The following MBOAT1 variants were observed in gnomAD, a reference collection of about 807,000 sequenced individuals.
The protein encoded by MBOAT1 is membrane-bound glycerophospholipid O-acyltransferase 1.
In MBOAT1, 67 loss-of-function variants were observed where a neutral mutation model predicts 64.4. The observed-to-expected ratio is 1.04, with a 90% CI of 0.85 to 1.27. MBOAT1 has a LOEUF of 1.27. MBOAT1 is among the 50% of genes most tolerant of loss of function. MBOAT1 has a pLI of 0.00. For missense variants in MBOAT1, 563 were observed against 604.6 expected, an observed-to-expected ratio of 0.93 and a Z score of 0.72; for synonymous variants, 229 against 218.9, an observed-to-expected ratio of 1.05 and a Z score of -0.41.
At position 20,101,758 on chromosome 6, in the gene MBOAT1, T is replaced by A. The variant is rs1759793467; in HGVS notation, c.*528A>T. Among the ~76,000 whole-genome samples the A allele has an allele frequency of 1.3e-5, 2 of 152,110 alleles. No homozygotes were observed. Among genetic ancestry groups the A allele is most frequent in the Admixed American group, 6.5e-5 (1 of 15,272 alleles). ...TACACATCGCCACACCACTCAAATG[T>A]CCTATAAAATATCAAAACCAATAAC... On this transcript the variant is annotated 3_prime_UTR_variant, in exon 13 of 13. Transcript: ENST00000324607.
chr6:20,126,318 T>A (rs1760647200), intron 7 of MBOAT1, among the ~76,000 whole-genome samples, 199 bp downstream of exon 7: 1 of 152,212 alleles, frequency 6.6e-6, no homozygotes, highest in Non-Finnish European at 1.5e-5. Flanking sequence ...TCCTAGCCAA[T>A]GAGCTTCTCA....
intron 1 of MBOAT1, among the ~76,000 whole-genome samples, chr6:20,155,447 T>C (rs149128458): frequency 4.4e-4 from 67 of 152,358 alleles, no homozygotes; most frequent in Middle Eastern, 3.4e-3. Flanking sequence ...ACACTGTCTC[T>C]ACCCTCAAAT....
At chr6:20,120,248 T>C (rs765844249) in intron 8 of MBOAT1, among the ~76,000 whole-genome samples, 7 of 152,036 alleles carry the variant, frequency 4.6e-5, no homozygotes, top group Non-Finnish European at 7.4e-5. Flanking sequence ...GATATAATAA[T>C]GGTATTCATT....
chr6:20,169,451 G>A (rs907067870), intron 1 of MBOAT1, among the ~76,000 whole-genome samples: 3 of 152,142 alleles, frequency 2.0e-5, no homozygotes, highest in African/African-American at 7.2e-5. Flanking sequence ...TGCAATGTGG[G>A]ACTGACGAAA....
chr6:20,174,185 T>C (rs77249144), intron 1 of MBOAT1, among the ~76,000 whole-genome samples: 67,406 of 151,716 alleles, frequency 0.44, 15,256 homozygotes, highest in African/African-American at 0.54. Flanking sequence ...GTTCATTACT[T>C]TGGATTCTTG....
rs540642938 is a variant in MBOAT1, at chr6:20,144,143, C to T, written c.419+77G>A. The T allele has an allele frequency of 9.9e-6, 9 of 908,562 alleles. No individual in the cohort carries two copies. In the African/African-American group the frequency reaches 1.5e-4, roughly 15 times the overall value. The allele number at this position is 908,562 out of a possible 1,614,324, so 56.3% of individuals were successfully genotyped here. A position where few individuals can be genotyped will look rare whatever the true frequency, so the allele number is the denominator to read the frequency against. On this transcript the variant is annotated intron_variant, in intron 4 of 12. Transcript: ENST00000324607. The stretch of plus-strand genomic sequence containing the variant: ...CAAGCACCAACGATTCTTTTGTGCA[C>T]CCTTGATGTTTACAGACCCCAAGAG...
In MBOAT1 at chr6:20,101,878, G is replaced by A. The variant is rs1462279353; in HGVS notation, c.*408C>T. Among the ~76,000 whole-genome samples the A allele has an allele frequency of 6.6e-6, 1 of 151,994 alleles. No homozygotes were observed. Among genetic ancestry groups the A allele is most frequent in the Admixed American group, 6.6e-5 (1 of 15,260 alleles). ...CGCCTGTAATCCCAGCACTTTGGGA[G>A]GCCGAGGCGGGCGGATCACGAGGTC... On this transcript the variant is annotated 3_prime_UTR_variant, in exon 13 of 13. Coordinates refer to ENST00000324607, the MANE Select transcript of MBOAT1 (RefSeq NM_001080480.3).
chr6:20,191,415 A>G (rs1421188215), intron 1 of MBOAT1, among the ~76,000 whole-genome samples: 1 of 152,256 alleles, frequency 6.6e-6, no homozygotes, highest in African/African-American at 2.4e-5. Flanking sequence ...GGCTTTCTCT[A>G]GTTTAACATC....
chr6:20,105,598 C>T (rs1047436496), intron 12 of MBOAT1, among the ~76,000 whole-genome samples: 1 of 152,144 alleles, frequency 6.6e-6, no homozygotes, highest in Non-Finnish European at 1.5e-5. Context: ...AACCCCATCT[C>T]TACAAAAATA....
intron 1 of MBOAT1, among the ~76,000 whole-genome samples, chr6:20,173,483 T>A (rs1334070481): frequency 6.6e-6 from 1 of 152,206 alleles, no homozygotes; most frequent in Non-Finnish European, 1.5e-5. Flanking sequence ...TTATCAGAAA[T>A]GATTAAAGCC....
At chr6:20,112,553 T>C (rs1226007754) in intron 11 of MBOAT1, among the ~76,000 whole-genome samples, 2 of 152,192 alleles carry the variant, frequency 1.3e-5, no homozygotes, top group African/African-American at 4.8e-5. Flanking sequence ...ATAATCATCA[T>C]CATCTGTAAT....
chr6:20,134,074 G>T (rs2113665161), intron 4 of MBOAT1, among the ~76,000 whole-genome samples: 2 of 152,292 alleles, frequency 1.3e-5, no homozygotes, highest in Admixed American at 1.3e-4. Context: ...TCCAATCCAA[G>T]ACCTTTTTTC....
At chr6:20,196,116 T>TC (rs1358285933) in intron 1 of MBOAT1, among the ~76,000 whole-genome samples, 4 of 152,302 alleles carry the variant, frequency 2.6e-5, no homozygotes, top group South Asian at 2.1e-4. Flanking sequence ...GAATGAGAGT[T>TC]CGGGGGCCTA....
At chr6:20,114,998 A>C (rs1398057288) in intron 10 of MBOAT1, among the ~76,000 whole-genome samples, 1 of 152,120 alleles carries the variant, frequency 6.6e-6, no homozygotes, top group Non-Finnish European at 1.5e-5. Flanking sequence ...CACTTTCCTC[A>C]TCTGTAAAAT....
At chr6:20,164,648 T>A (rs1761965570) in intron 1 of MBOAT1, among the ~76,000 whole-genome samples, 1 of 152,168 alleles carries the variant, frequency 6.6e-6, no homozygotes, top group Admixed American at 6.5e-5. Flanking sequence ...TAAAAAAATT[T>A]TTTTTAAGTT....
chr6:20,201,706 G>C (rs563331523), intron 1 of MBOAT1, among the ~76,000 whole-genome samples: 1 of 151,084 alleles, frequency 6.6e-6, no homozygotes, highest in Non-Finnish European at 1.5e-5. Context: ...TCAGCCTCCC[G>C]AGTAGCTGGG....
At chr6:20,167,718 T>C (rs1343633955) in intron 1 of MBOAT1, among the ~76,000 whole-genome samples, 1 of 152,238 alleles carries the variant, frequency 6.6e-6, no homozygotes, top group Non-Finnish European at 1.5e-5. Flanking sequence ...CCCCTAGTTG[T>C]ACAACCTTAG....
At chr6:20,103,052 C>G (rs928742764) in intron 12 of MBOAT1, among the ~76,000 whole-genome samples, 1 of 152,198 alleles carries the variant, frequency 6.6e-6, no homozygotes, top group African/African-American at 2.4e-5. Context: ...ATTTACAATA[C>G]TATACTTTCC....
intron 1 of MBOAT1, 48 bp downstream of exon 1, chr6:20,212,088 C>T (rs780607414): frequency 6.4e-7 from 1 of 1,566,164 alleles, no homozygotes; most frequent in Non-Finnish European, 8.7e-7. Context: ...GCCCCGTGCA[C>T]GCGATCGCTG....
Sources: gnomAD v4.1 joint callset for allele counts (sites outside exome capture counted in the v4.1 genomes callset) on GRCh38, gnomAD v4.1.1 for gene constraint, MANE v1.5 for transcripts, NCBI Gene and HGNC (gene_info 2026-07-23, HGNC 2026-07-21) for gene names.